ZMIZ1: variants seen among roughly 807,000 people sequenced by gnomAD.
ZMIZ1 encodes the protein zinc finger MIZ-type containing 1, also known as zinc finger MIZ domain-containing protein 1.
Under a neutral mutation model 113.9 loss-of-function variants are expected in ZMIZ1, and 17 were observed. The ratio of observed to expected loss-of-function variants is 0.15; its 90% confidence interval spans 0.10 to 0.22. ZMIZ1 has a LOEUF of 0.22. Ranked by LOEUF, ZMIZ1 falls within the 10% of genes least tolerant of loss-of-function variation. The probability of loss-of-function intolerance (pLI) is 1.00; values close to 1 mark genes in which losing one functional copy is unlikely to be tolerated. For synonymous variants in ZMIZ1, 607 were observed against 603.1 expected, an observed-to-expected ratio of 1.01 and a Z score of -0.09; for missense variants, 1,059 against 1,477.8, an observed-to-expected ratio of 0.72 and a Z score of 4.65.
chr10:79,139,863 G>A (rs1027608205), intron 3 of ZMIZ1, 86 bp downstream of exon 3: 11 of 398,558 alleles, frequency 2.8e-5, no homozygotes, highest in Admixed American at 8.8e-5. Flanking sequence ...CAGAAGTGCT[G>A]TGGCTGGACC....
chr10:79,210,188 C>T (rs1000663169), intron 6 of ZMIZ1, among the ~76,000 whole-genome samples: 2 of 152,110 alleles, frequency 1.3e-5, no homozygotes, highest in Non-Finnish European at 2.9e-5. Flanking sequence ...CCTTGTGTGA[C>T]GTGTGTCCAG....
chr10:79,168,870 G>GC (rs1846481016), intron 4 of ZMIZ1, among the ~76,000 whole-genome samples: 1 of 152,176 alleles, frequency 6.6e-6, no homozygotes, highest in African/African-American at 2.4e-5. Flanking sequence ...ACTTTCTAGA[G>GC]CCCCCAGGGA....
intron 4 of ZMIZ1, among the ~76,000 whole-genome samples, chr10:79,180,485 C>T (rs1488045135): frequency 6.6e-6 from 1 of 152,202 alleles, no homozygotes; most frequent in Non-Finnish European, 1.5e-5. Flanking sequence ...TCCTCTGTCC[C>T]ATGGGCTGTC....
intron 5 of ZMIZ1, among the ~76,000 whole-genome samples, chr10:79,206,124 A>T (rs2132672533): frequency 6.6e-6 from 1 of 150,638 alleles, no homozygotes; most frequent in Non-Finnish European, 1.5e-5. Flanking sequence ...AAAAAAAGCC[A>T]GCAAAGGGGA....
At chr10:79,150,412 GCCCACGCCCGTC>G (rs1845665649) in intron 3 of ZMIZ1, among the ~76,000 whole-genome samples, 1 of 152,244 alleles carries the variant, frequency 6.6e-6, no homozygotes, top group Non-Finnish European at 1.5e-5. Flanking sequence ...GCAGCTCTGG[GCCCACGCCCGTC>G]CTGCACCCCC....
At chr10:79,238,110 G>C (rs572171617) in intron 7 of ZMIZ1, among the ~76,000 whole-genome samples, 1 of 152,168 alleles carries the variant, frequency 6.6e-6, no homozygotes, top group African/African-American at 2.4e-5. Context: ...AGCTGAGCAG[G>C]CTCCTCTGAA....
chr10:79,197,592 CCATACACACACACACA>C lies in ZMIZ1; in HGVS notation c.-49-3973_-49-3958del, dbSNP rs537023413. Among the ~76,000 whole-genome samples the C allele has an allele frequency of 6.0e-3, 882 of 146,326 alleles. 16 individuals carry two copies. The highest frequency in any genetic ancestry group is 0.017 in the African/African-American group (645 of 38,322). On this transcript the variant is annotated intron_variant, in intron 4 of 24. Transcript: ENST00000334512. Reference sequence around the variant, plus strand: ...CTGATTACGCCCCTGCCAACCCAGACCATACACACACACACACATACACACACACACACACACACAC... The same window carrying C: ...CTGATTACGCCCCTGCCAACCCAGACCATACACACACACACACACACACAC...
intron 7 of ZMIZ1, among the ~76,000 whole-genome samples, chr10:79,251,704 T>A (rs2132887280): frequency 1.3e-5 from 2 of 152,368 alleles, no homozygotes; most frequent in South Asian, 4.1e-4. Flanking sequence ...CAGTGTTTGC[T>A]GAGCAAAGGC....
chr10:79,202,230 G>A (rs1393112081), intron 5 of ZMIZ1, among the ~76,000 whole-genome samples: 24 of 142,908 alleles, frequency 1.7e-4, no homozygotes, highest in Admixed American at 2.1e-4. Context: ...AAAGAAAGAA[G>A]GAAGGAAGGA....
intron 7 of ZMIZ1, among the ~76,000 whole-genome samples, chr10:79,275,719 G>T (rs889274151): frequency 6.6e-6 from 1 of 152,178 alleles, no homozygotes; most frequent in Non-Finnish European, 1.5e-5. Flanking sequence ...CCACCTTCTG[G>T]TCCAGCCTCA....
chr10:79,089,772 C>T (rs1842933018), intron 1 of ZMIZ1, among the ~76,000 whole-genome samples: 2 of 152,120 alleles, frequency 1.3e-5, no homozygotes, highest in African/African-American at 4.8e-5. Flanking sequence ...GTCCCTCTCC[C>T]ACTCCCCAGA....
intron 1 of ZMIZ1, among the ~76,000 whole-genome samples, chr10:79,077,236 A>G (rs1589245301): frequency 6.6e-6 from 1 of 151,918 alleles, no homozygotes; most frequent in Admixed American, 6.6e-5. Flanking sequence ...GTGGACCTTG[A>G]CCGCCGCTGG....
chr10:79,087,346 G>A (rs1842849444), intron 1 of ZMIZ1, among the ~76,000 whole-genome samples: 1 of 144,690 alleles, frequency 6.9e-6, no homozygotes, highest in Non-Finnish European at 1.5e-5. Context: ...CCATGGTCCT[G>A]GCTGAAATTG....
chr10:79,125,569 G>T (rs1844477523), intron 2 of ZMIZ1, among the ~76,000 whole-genome samples: 1 of 152,194 alleles, frequency 6.6e-6, no homozygotes, highest in South Asian at 2.1e-4. Context: ...TCTGGAGTTT[G>T]TCTCTTTCTG....
intron 7 of ZMIZ1, among the ~76,000 whole-genome samples, chr10:79,219,333 T>A (rs1251828339): frequency 6.6e-6 from 1 of 152,214 alleles, no homozygotes; most frequent in Non-Finnish European, 1.5e-5. Flanking sequence ...TGTTCTCATA[T>A]GTTTTGTGGT....
chr10:79,296,739 C>A lies in ZMIZ1; in HGVS notation c.1413+86C>A. On this transcript the variant is annotated intron_variant, in intron 13 of 24. Transcript: ENST00000334512. The surrounding 1 kb of genome is among the most constrained non-coding windows in gnomAD (Gnocchi z 4.1). ...TAACTCCACCGGGATCACTCTGACC[C>A]TGCGTGTGTTTGCCCCAAGGACAGC... is the stretch of plus-strand genomic sequence containing the variant. 1 of 1,356,194 alleles carries A rather than the reference C, an allele frequency of 7.4e-7. No homozygotes were observed. The highest frequency in any genetic ancestry group is 9.9e-7 in the Non-Finnish European group (1 of 1,010,242). The allele number at this position is 1,356,194 out of a possible 1,614,324, so 84.0% of individuals were successfully genotyped here. A position where few individuals can be genotyped will look rare whatever the true frequency, so the allele number is the denominator to read the frequency against.
intron 17 of ZMIZ1, 146 bp from the exon 18 acceptor site, chr10:79,301,961 A>G: frequency 1.4e-6 from 1 of 705,748 alleles, no homozygotes; most frequent in Non-Finnish European, 2.5e-6. Flanking sequence ...AGTAGTGCTC[A>G]GGCTCGCAAG....
rs1404312527 is a variant in ZMIZ1 at position 79,299,108 on chromosome 10, G to C, written c.1725G>C (p.Glu575Asp). 1.2e-6 allele frequency: 2 copies of C among 1,612,548 alleles called. No homozygotes were observed. Among genetic ancestry groups the C allele is most frequent in the Non-Finnish European group, 1.7e-6 (2 of 1,179,906 alleles). Residue 575 changes from glutamate (E) to aspartate (D), a missense_variant, in exon 16 of 25, where the codon GAG becomes GAC. Physicochemically the swap from Glu to Asp is conservative, Grantham distance 45 (BLOSUM62 2). Around this residue, in one of 6 missense-constraint regions of ZMIZ1, gnomAD observed 217 missense variants for 426.9 expected, o/e 0.51. Coordinates refer to ENST00000334512, the MANE Select transcript of ZMIZ1 (RefSeq NM_020338.4). Reference protein sequence around the residue: ...TFPVRDGVVLEPFRLEHNLAV... With the variant: ...TFPVRDGVVLDPFRLEHNLAV... ...CTGTGCGGGATGGCGTGGTGCTGGA[G>C]CCCTTCCGCCTGGAGCACAACCTGG...
chr10:79,240,677 GAA>G (rs1377993414), intron 7 of ZMIZ1, among the ~76,000 whole-genome samples: 3 of 106,996 alleles, frequency 2.8e-5, no homozygotes, highest in African/African-American at 1.4e-4. Flanking sequence ...CTTACCTGGG[GAA>G]AGTCTAAAAT....
Sources: gnomAD v4.1 joint callset for allele counts (sites outside exome capture counted in the v4.1 genomes callset) on GRCh38, gnomAD v4.1.1 for gene constraint, gnomAD v4.1.1 regional missense constraint, Gnocchi (gnomAD v3.1) non-coding constraint, MANE v1.5 for transcripts, NCBI Gene and HGNC (gene_info 2026-07-23, HGNC 2026-07-21) for gene names.